Variants in MAPKAPK3 observed in about 807,000 individuals in gnomAD.
MAPKAPK3 encodes MAPK activated protein kinase 3.
Under a neutral mutation model 49.2 loss-of-function variants are expected in MAPKAPK3, and 35 were observed. The observed-to-expected ratio is 0.71, with a 90% CI of 0.54 to 0.94. The LOEUF (loss-of-function observed/expected upper bound fraction) is 0.94, where lower values mean the gene tolerates loss of function less well. Among genes scored for constraint, MAPKAPK3 ranks in the 40% least tolerant of loss-of-function variants. The pLI is 0.00. For missense variants in MAPKAPK3, 398 were observed against 493.1 expected (o/e 0.81, Z 1.83); for synonymous variants, 178 against 188.7 (o/e 0.94, Z 0.46).
intron 2 of MAPKAPK3, among the ~76,000 whole-genome samples, chr3:50,618,898 C>T (rs1353217962): frequency 6.6e-6 from 1 of 152,184 alleles, no homozygotes; most frequent in South Asian, 2.1e-4. Context: ...ACCATGTTGG[C>T]CAGGATGGTC....
chr3:50,637,722 A>AGG (rs1426705312), intron 2 of MAPKAPK3, among the ~76,000 whole-genome samples: 53 of 132,596 alleles, frequency 4.0e-4, no homozygotes, highest in Admixed American at 1.7e-3. Flanking sequence ...AGAGAGAGAG[A>AGG]GATGGAGACA....
chr3:50,627,458 C>T (rs1218265178), intron 2 of MAPKAPK3, among the ~76,000 whole-genome samples: 1 of 152,172 alleles, frequency 6.6e-6, no homozygotes, highest in East Asian at 1.9e-4. Context: ...ATGCCACCAG[C>T]AAGGGCTATA....
chr3:50,622,700 A>G (rs1467534812), intron 2 of MAPKAPK3, among the ~76,000 whole-genome samples: 3 of 152,014 alleles, frequency 2.0e-5, no homozygotes, highest in Non-Finnish European at 4.4e-5. Context: ...TGCTATTTCT[A>G]CTCTCCTAAG....
At chr3:50,611,791 G>T, upstream of MAPKAPK3, 1 of 1,177,198 alleles carries the variant, frequency 8.5e-7, no homozygotes, top group Non-Finnish European at 1.1e-6. Flanking sequence ...CAGTGGCGCG[G>T]ACCGCCTGCG....
chr3:50,614,593 G>T (rs370986194), upstream of MAPKAPK3, among the ~76,000 whole-genome samples: 25 of 150,302 alleles, frequency 1.7e-4, no homozygotes, highest in East Asian at 1.2e-3. Context: ...TGTCCCCTTG[G>T]ACACACAGCT....
At position 50,617,759 on chromosome 3, in the gene MAPKAPK3, G is replaced by T. The variant is rs35362731; in HGVS notation, c.194G>T (p.Arg65Leu). ...NGKVLECFHR[R>L]TGQKCALKLL... The stretch of plus-strand genomic sequence containing the variant: ...AAAGTGCTGGAGTGCTTCCATCGGC[G>T]CACTGGACAGAAGTGTGCCCTGAAG... Residue 65 changes from arginine (R) to leucine (L), a missense_variant, in exon 2 of 11, where the codon CGC (arginine) becomes CTC (leucine). Around this residue, in one of 5 missense-constraint regions of MAPKAPK3, gnomAD observed 123 missense variants for 117.7 expected, o/e 1.04. Transcript: ENST00000621469. The T allele has an allele frequency of 2.5e-3, 3,983 of 1,613,474 alleles. 15 individuals are homozygous for T. Among genetic ancestry groups the T allele is most frequent in the Non-Finnish European group, 3.0e-3 (3,572 of 1,179,906 alleles).
intron 2 of MAPKAPK3, among the ~76,000 whole-genome samples, chr3:50,637,830 A>C (rs1239260093): frequency 6.6e-6 from 1 of 152,106 alleles, no homozygotes; most frequent in Non-Finnish European, 1.5e-5. Context: ...AATGCACATG[A>C]CAGGGACCAG....
At chr3:50,619,146 A>C (rs1287053854) in intron 2 of MAPKAPK3, among the ~76,000 whole-genome samples, 1 of 152,224 alleles carries the variant, frequency 6.6e-6, no homozygotes, top group Non-Finnish European at 1.5e-5. Context: ...AGTTGTTGTG[A>C]ACATGAAATG....
chr3:50,641,647 G>A lies in MAPKAPK3; in HGVS notation c.360-60G>A. 2.2e-6 allele frequency: 3 copies of A among 1,393,610 alleles called. No homozygotes were observed. In the South Asian group the frequency reaches 3.5e-5, roughly 16 times the overall value. The allele number at this position is 1,393,610 out of a possible 1,614,324, so 86.3% of individuals were successfully genotyped here. ...AGCCTGGGCCTATGATTTGGGGCAG[G>A]GGCAAGGGTAGGATGATGTGCAGTT... On this transcript the variant is annotated intron_variant, in intron 3 of 10. Transcript: ENST00000621469.
upstream of MAPKAPK3, among the ~76,000 whole-genome samples, chr3:50,615,865 T>C (rs1035570318): frequency 9.2e-5 from 14 of 152,222 alleles, no homozygotes; most frequent in African/African-American, 2.9e-4. Context: ...CACTAATAAG[T>C]TGTAGCACCC....
rs138636117 is a variant in MAPKAPK3, at chr3:50,636,095, A to T, written c.220-4271A>T. ...CACTGCACTCCAGCCTGGGTGACAGAGCAAGATTCTGTCTCAAAAAAAAAA... is the reference window on the plus strand; with the variant it reads ...CACTGCACTCCAGCCTGGGTGACAGTGCAAGATTCTGTCTCAAAAAAAAAA... On this transcript the variant is annotated intron_variant, in intron 2 of 10. Coordinates refer to ENST00000621469, the MANE Select transcript of MAPKAPK3 (RefSeq NM_001243925.2). Among the ~76,000 whole-genome samples, 1,159 of 152,102 alleles carry T rather than the reference A, an allele frequency of 7.6e-3. 123 individuals carry two copies. The East Asian group carries it at 0.2, about 26-fold the overall frequency.
intron 2 of MAPKAPK3, among the ~76,000 whole-genome samples, chr3:50,638,140 T>C (rs1019112079): frequency 5.3e-5 from 8 of 151,864 alleles, no homozygotes; most frequent in African/African-American, 1.9e-4. Flanking sequence ...GGGAGTGAGA[T>C]GCCACAAGGC....
intron 7 of MAPKAPK3, 135 bp downstream of exon 7, chr3:50,645,920 C>G: frequency 2.0e-6 from 2 of 1,010,628 alleles, no homozygotes; most frequent in Non-Finnish European, 3.1e-6. Flanking sequence ...GCAGGCTGCC[C>G]TTCCCTTTTG....
intron 1 of MAPKAPK3, 90 bp downstream of exon 1, chr3:50,617,331 G>C (rs2032493842): frequency 2.4e-6 from 1 of 419,466 alleles, no homozygotes; most frequent in Admixed American, 3.8e-5. Context: ...ACACGTGCCC[G>C]GGCGGTGCTC....
chr3:50,641,378 C>T (rs933833412), intron 3 of MAPKAPK3, among the ~76,000 whole-genome samples: 1 of 152,180 alleles, frequency 6.6e-6, no homozygotes, highest in Non-Finnish European at 1.5e-5. Context: ...TCTCATCCCA[C>T]ATTTGGGGAA....
chr3:50,629,972 C>G, intron 2 of MAPKAPK3, among the ~76,000 whole-genome samples: 1 of 152,362 alleles, frequency 6.6e-6, no homozygotes, highest in East Asian at 1.9e-4. Flanking sequence ...TACTCCCTCC[C>G]CTCCCAAGAA....
intron 2 of MAPKAPK3, among the ~76,000 whole-genome samples, chr3:50,624,169 G>T (rs1168850364): frequency 6.6e-6 from 1 of 152,224 alleles, no homozygotes; most frequent in Admixed American, 6.5e-5. Context: ...GCTAGGAGAG[G>T]CTTCCTGGAA....
At chr3:50,613,676 C>T (rs2032394870), upstream of MAPKAPK3, 1 of 152,230 alleles carries the variant, frequency 6.6e-6, no homozygotes, top group African/African-American at 2.4e-5. Context: ...CAAAACTATA[C>T]TTCTTCCCCC....
At chr3:50,643,685 A>G (rs1346161017) in intron 5 of MAPKAPK3, among the ~76,000 whole-genome samples, 1 of 152,130 alleles carries the variant, frequency 6.6e-6, no homozygotes, top group Non-Finnish European at 1.5e-5. Flanking sequence ...TGTTTTTATC[A>G]CAATTGAGAA....
Sources: gnomAD v4.1 joint callset for allele counts (sites outside exome capture counted in the v4.1 genomes callset) on GRCh38, gnomAD v4.1.1 for gene constraint, gnomAD v4.1.1 regional missense constraint, MANE v1.5 for transcripts, NCBI Gene and HGNC (gene_info 2026-07-23, HGNC 2026-07-21) for gene names.